POTEC: variants seen among roughly 807,000 people sequenced by gnomAD.
POTEC encodes POTE ankyrin domain family member C, also known as ANKRD26-like family B member 2.
Under a neutral mutation model 62.0 loss-of-function variants are expected in POTEC, and 35 were observed. That is an observed-to-expected ratio of 0.56 (90% CI 0.43 to 0.75). The LOEUF is 0.75. Ranked by LOEUF, POTEC falls within the 30% of genes least tolerant of loss-of-function variation. The probability of loss-of-function intolerance (pLI) is 0.00; values close to 1 mark genes in which losing one functional copy is unlikely to be tolerated. For missense variants in POTEC, 472 were observed against 655.9 expected, an observed-to-expected ratio of 0.72 and a Z score of 3.06; for synonymous variants, 156 against 221.5, an observed-to-expected ratio of 0.70 and a Z score of 2.62.
intron 9 of POTEC, among the ~76,000 whole-genome samples, chr18:14,516,319 TATATATATATATATATAC>T (rs201844488): frequency 1.4e-5 from 1 of 69,796 alleles, no homozygotes; most frequent in African/African-American, 6.8e-5. Context: ...TATATATATA[TATATATATATATATATAC>T]CTATACCTGA....
At chr18:14,516,226 A>G (rs1272628186) in intron 9 of POTEC, among the ~76,000 whole-genome samples, 1 of 142,518 alleles carries the variant, frequency 7.0e-6, no homozygotes, top group Non-Finnish European at 1.5e-5. Context: ...TGTTTACTGC[A>G]GCACAATTCA....
At position 14,543,221 on chromosome 18, in the gene POTEC, G is replaced by A. The variant is rs1311078254; in HGVS notation, c.-75C>T. 4.4e-6 allele frequency: 7 copies of A among 1,585,384 alleles called. No individual in the cohort carries two copies. In the Admixed American group the frequency reaches 5.2e-5, roughly 12 times the overall value. On this transcript the variant is annotated 5_prime_UTR_variant, in exon 1 of 11. Coordinates refer to ENST00000358970, the MANE Select transcript of POTEC (RefSeq NM_001137671.2). ...ACCAACCAGTTTCACCAACTAGCAG[G>A]AAACCCTGGGTTTCCAATCTGTTTG...
intron 5 of POTEC, 98 bp from the exon 6 acceptor site, chr18:14,530,651 A>G: frequency 1.0e-6 from 1 of 970,810 alleles, no homozygotes; most frequent in South Asian, 1.8e-5. Flanking sequence ...AAACAATATC[A>G]TAATATCAGA....
Position 14,535,025 on chromosome 18 carries a change from AC to A in POTEC, c.811-19del. The A allele has an allele frequency of 6.3e-7, 1 of 1,585,684 alleles. No individual in the cohort carries two copies. The highest frequency in any genetic ancestry group is 1.8e-5 in the Admixed American group (1 of 56,940). On this transcript the variant is annotated intron_variant, in intron 3 of 10. Transcript: ENST00000358970. ...AGGCCACACTGTAAAACAATATAAA[AC>A]AAAAACAATATGTAATTCAAAAAAT...
rs1598483214 is a variant in POTEC at position 14,542,788 on chromosome 18, C to T, written c.359G>A (p.Trp120Ter). The T allele has an allele frequency of 6.2e-7, 1 of 1,613,826 alleles. No homozygotes were observed. Reference sequence around the variant, plus strand: ...GAAGGCGCTGTCGTCGTAGTCTCCCCAAGCGCCCACGTTGCTCTTGCCGCT... The same window carrying T: ...GAAGGCGCTGTCGTCGTAGTCTCCCTAAGCGCCCACGTTGCTCTTGCCGCT... ...RGSGKSNVGAWGDYDDSAFME... is the reference protein window; with the variant it reads ...RGSGKSNVGA Residue 120 changes from tryptophan to a stop codon, truncating the protein, a stop_gained, in exon 1 of 11, where the codon TGG (tryptophan) becomes TAG (stop). Coordinates refer to ENST00000358970, the MANE Select transcript of POTEC (RefSeq NM_001137671.2). LOFTEE classifies it high-confidence loss of function.
In POTEC at chr18:14,530,467, T is replaced by C. The variant is rs1160496168; in HGVS notation, c.1126+16A>G. ...TGGACAACTGACCTAAAGTAATTCA[T>C]TATCACAAGTCTTACCTGGATTGCT... On this transcript the variant is annotated intron_variant, in intron 6 of 10. Transcript: ENST00000358970. 6.2e-6 allele frequency: 10 copies of C among 1,602,764 alleles called. No individual in the cohort carries two copies. The highest frequency in any genetic ancestry group is 1.3e-5 in the African/African-American group (1 of 74,708).
intron 1 of POTEC, among the ~76,000 whole-genome samples, chr18:14,540,707 A>T (rs536542965): frequency 3.3e-5 from 5 of 152,332 alleles, no homozygotes; most frequent in African/African-American, 1.2e-4. Context: ...TTTCAGTATA[A>T]TGGAATAGAT....
At position 14,533,614 on chromosome 18, in the gene POTEC, TTAA is replaced by T. The variant is rs201782323; in HGVS notation, c.918-419_918-417del. Among the ~76,000 whole-genome samples the T allele has an allele frequency of 3.9e-3, 601 of 152,250 alleles. 5 individuals are homozygous for T. Among genetic ancestry groups the T allele is most frequent in the African/African-American group, 0.014 (578 of 41,556 alleles). On this transcript the variant is annotated intron_variant, in intron 4 of 10. Coordinates refer to ENST00000358970, the MANE Select transcript of POTEC (RefSeq NM_001137671.2). ...TCTCTGCATGCTGAAAGCAGTAATATTAATAATAATGGTAAGAATAGTAGTCAC... is the reference window on the plus strand; with the variant it reads ...TCTCTGCATGCTGAAAGCAGTAATATTAATAATGGTAAGAATAGTAGTCAC...
chr18:14,530,385 C>G lies in POTEC; in HGVS notation c.1126+98G>C, dbSNP rs566930143. On this transcript the variant is annotated intron_variant, in intron 6 of 10. Transcript: ENST00000358970. ...AATCCTGAAACCATCCCCACCTTCCCCCAGCCCATGGAAACACTGTCTTCC... is the reference window on the plus strand; with the variant it reads ...AATCCTGAAACCATCCCCACCTTCCGCCAGCCCATGGAAACACTGTCTTCC... 3.9e-5 allele frequency: 61 copies of G among 1,574,358 alleles called. No individual in the cohort carries two copies. The African/African-American group carries it at 7.4e-4, about 19-fold the overall frequency.
At chr18:14,540,962 C>T (rs1238194081) in intron 1 of POTEC, among the ~76,000 whole-genome samples, 2 of 151,916 alleles carry the variant, frequency 1.3e-5, no homozygotes, top group South Asian at 4.2e-4. Flanking sequence ...GCAATCTCAG[C>T]TCACTGCAAC....
chr18:14,537,204 CACACACAAA>C (rs1207190548), intron 3 of POTEC, among the ~76,000 whole-genome samples: 17 of 77,142 alleles, frequency 2.2e-4, no homozygotes, highest in African/African-American at 1.1e-3. Flanking sequence ...CACACACACA[CACACACAAA>C]AAAAAAAAAA....
chr18:14,540,987 T>G (rs1905913125), intron 1 of POTEC, among the ~76,000 whole-genome samples: 1 of 152,030 alleles, frequency 6.6e-6, no homozygotes, highest in African/African-American at 2.4e-5. Context: ...GTCTCCCTGG[T>G]TCAAGCAATT....
chr18:14,534,540 A>G (rs970768794), intron 4 of POTEC, among the ~76,000 whole-genome samples: 20 of 152,002 alleles, frequency 1.3e-4, no homozygotes, highest in Non-Finnish European at 2.2e-4. Flanking sequence ...TATAAGATAC[A>G]GAGGTTAAAA....
Position 14,518,761 on chromosome 18 carries a change from C to G in POTEC, c.1409+3493G>C, listed in dbSNP as rs1036104548. ...ATATCTGGGGAAAAAGCATTCCAGA[C>G]ACAGGGAACTGCGAATCACAGAGGT... On this transcript the variant is annotated intron_variant, in intron 9 of 10. Coordinates refer to ENST00000358970, the MANE Select transcript of POTEC (RefSeq NM_001137671.2). Among the ~76,000 whole-genome samples, 4 of 146,968 alleles carry G rather than the reference C, an allele frequency of 2.7e-5. No homozygotes were observed. The East Asian group carries it at 6.0e-4, about 22-fold the overall frequency.
intron 6 of POTEC, chr18:14,528,771 C>T (rs1281715070): frequency 9.3e-6 from 3 of 322,934 alleles, no homozygotes; most frequent in Non-Finnish European, 1.8e-5. Context: ...CCGTGGCCCA[C>T]AGGGTAAGAC....
intron 9 of POTEC, 81 bp from the exon 10 acceptor site, chr18:14,513,866 C>T (rs1910079628): frequency 2.5e-6 from 4 of 1,595,364 alleles, no homozygotes; most frequent in Admixed American, 1.7e-5. Flanking sequence ...CATCAGATGT[C>T]ATTCACACAA....
chr18:14,514,890 T>C (rs1373196847), intron 9 of POTEC, among the ~76,000 whole-genome samples: 1 of 152,096 alleles, frequency 6.6e-6, no homozygotes, highest in Non-Finnish European at 1.5e-5. Flanking sequence ...TACCAATGAA[T>C]AGTACCACTA....
chr18:14,528,915 C>G, intron 6 of POTEC: 1 of 454,142 alleles, frequency 2.2e-6, no homozygotes, highest in South Asian at 1.6e-5. Flanking sequence ...CTGCAAGGTT[C>G]ACTCAGCATC....
In POTEC at chr18:14,542,748, G is replaced by A. The variant is rs914014313; in HGVS notation, c.399C>T (p.Tyr133=). ...YDDSAFMEPR[Y]HVRREDLDKL... is the part of the protein sequence containing the mutation. ...TGTCCAGATCTTCTCGACGGACGTG[G>A]TACCTCGGCTCCATGAAGGCGCTGT... Residue 133 remains tyrosine (Y), a synonymous_variant, in exon 1 of 11, where the codon TAC becomes TAT. Coordinates refer to ENST00000358970, the MANE Select transcript of POTEC (RefSeq NM_001137671.2). 1.2e-6 allele frequency: 2 copies of A among 1,613,348 alleles called. No homozygotes were observed. Among genetic ancestry groups the A allele is most frequent in the African/African-American group, 2.7e-5 (2 of 74,864 alleles).
Sources: allele counts gnomAD v4.1 joint callset (sites outside exome capture counted in the v4.1 genomes callset), GRCh38; gene constraint gnomAD v4.1.1; transcripts MANE v1.5; gene names NCBI Gene and HGNC (gene_info 2026-07-23, HGNC 2026-07-21).